LHFPL3: variants seen among roughly 807,000 people sequenced by gnomAD.
The protein encoded by LHFPL3 is LHFPL tetraspan subfamily member 3, also known as LHFPL tetraspan subfamily member 3 protein.
Under a neutral mutation model 19.3 loss-of-function variants are expected in LHFPL3, and 5 were observed. The ratio of observed to expected loss-of-function variants is 0.26; its 90% CI spans 0.14 to 0.54. LHFPL3 has a LOEUF of 0.54. LHFPL3 is among the 20% of genes least tolerant of loss of function. LHFPL3 has a pLI of 0.94. For synonymous variants in LHFPL3, 133 were observed against 126.2 expected (o/e 1.05, Z -0.36); for missense variants, 249 against 307.4 (o/e 0.81, Z 1.42).
intron 1 of LHFPL3, among the ~76,000 whole-genome samples, chr7:104,655,663 G>T (rs887621644): frequency 2.6e-5 from 4 of 152,204 alleles, no homozygotes; most frequent in African/African-American, 9.6e-5. Context: ...GCTGATACAG[G>T]CTACTTTGGC....
chr7:104,801,555 T>G (rs749433240), intron 2 of LHFPL3, among the ~76,000 whole-genome samples: 1 of 151,840 alleles, frequency 6.6e-6, no homozygotes, highest in African/African-American at 2.4e-5. Flanking sequence ...TTTTGTATGT[T>G]TGTTTGTTTT....
At chr7:104,431,642 G>C (rs563349857) in intron 1 of LHFPL3, among the ~76,000 whole-genome samples, 1 of 152,104 alleles carries the variant, frequency 6.6e-6, no homozygotes, top group South Asian at 2.1e-4. Flanking sequence ...GACATCATAA[G>C]CCTGAGAATA....
At chr7:104,833,083 C>CTATTATATATAATAGATATATTATATA (rs1791013258) in intron 2 of LHFPL3, among the ~76,000 whole-genome samples, 2 of 9,468 alleles carry the variant, frequency 2.1e-4, no homozygotes, top group African/African-American at 7.7e-4. Flanking sequence ...TTATATATAT[C>CTATTATATATAATAGATATATTATATA]TAATATATAT....
chr7:104,360,915 A>G (rs1381627149), intron 1 of LHFPL3, among the ~76,000 whole-genome samples: 1 of 152,172 alleles, frequency 6.6e-6, no homozygotes, highest in Non-Finnish European at 1.5e-5. Context: ...CCTCTTGTGG[A>G]CTGTTTTTGT....
At chr7:104,558,707 G>T (rs1448583227) in intron 1 of LHFPL3, among the ~76,000 whole-genome samples, 26 of 150,704 alleles carry the variant, frequency 1.7e-4, no homozygotes, top group Middle Eastern at 3.4e-3. Flanking sequence ...GTTAATTTTG[G>T]CTTTTGTTGC....
chr7:104,715,382 A>G (rs1048713111), intron 1 of LHFPL3, among the ~76,000 whole-genome samples: 2 of 151,954 alleles, frequency 1.3e-5, no homozygotes, highest in African/African-American at 4.8e-5. Flanking sequence ...ACTTTGAACA[A>G]TTTTTTTTAC....
At chr7:104,497,309 GAAAAA>G (rs34908934) in intron 1 of LHFPL3, among the ~76,000 whole-genome samples, 2 of 96,694 alleles carry the variant, frequency 2.1e-5, no homozygotes, top group East Asian at 3.2e-4. Context: ...TTGAGAAAAG[GAAAAA>G]AAAAAAAAAA....
chr7:104,686,826 C>T (rs1256419415), intron 1 of LHFPL3, among the ~76,000 whole-genome samples: 1 of 152,188 alleles, frequency 6.6e-6, no homozygotes, highest in Non-Finnish European at 1.5e-5. Flanking sequence ...GGGGAGGCCT[C>T]AGGAAACTTA....
At chr7:104,524,724 C>A (rs1286153043) in intron 1 of LHFPL3, among the ~76,000 whole-genome samples, 1 of 152,052 alleles carries the variant, frequency 6.6e-6, no homozygotes, top group Non-Finnish European at 1.5e-5. Context: ...GAATAAAGAC[C>A]AGGAAAAATG....
At chr7:104,747,370 C>T (rs1794067776) in intron 2 of LHFPL3, among the ~76,000 whole-genome samples, 1 of 152,144 alleles carries the variant, frequency 6.6e-6, no homozygotes, top group African/African-American at 2.4e-5. Flanking sequence ...GATGAGGTGT[C>T]CTTCAGAAGT....
intron 2 of LHFPL3, among the ~76,000 whole-genome samples, chr7:104,762,844 A>G (rs1794398448): frequency 6.6e-6 from 1 of 152,200 alleles, no homozygotes; most frequent in Non-Finnish European, 1.5e-5. Flanking sequence ...AATGACTCAA[A>G]TTCTATGCTC....
intron 2 of LHFPL3, among the ~76,000 whole-genome samples, chr7:104,745,186 C>T (rs537392317): frequency 7.2e-5 from 11 of 152,258 alleles, no homozygotes; most frequent in East Asian, 1.9e-4. Flanking sequence ...ACAAATTGTC[C>T]GCAGGAGTCG....
At chr7:104,900,148 A>C (rs904764000) in intron 2 of LHFPL3, among the ~76,000 whole-genome samples, 10 of 152,250 alleles carry the variant, frequency 6.6e-5, no homozygotes, top group African/African-American at 2.4e-4. Flanking sequence ...CCTATGTAAA[A>C]TATGGAATGG....
intron 1 of LHFPL3, among the ~76,000 whole-genome samples, chr7:104,603,158 CCTTCCTTTCTTTCTTTCTTTCTTT>C (rs1791018249): frequency 1.3e-5 from 1 of 76,290 alleles, no homozygotes; most frequent in Non-Finnish European, 2.8e-5. Context: ...TTCCTTCCTT[CCTTCCTTTCTTTCTTTCTTTCTTT>C]CTTCCTTTCT....
chr7:104,396,125 A>G (rs1279728255), intron 1 of LHFPL3, among the ~76,000 whole-genome samples: 1 of 152,100 alleles, frequency 6.6e-6, no homozygotes, highest in Admixed American at 6.5e-5. Context: ...TGGCCACTCT[A>G]TTGCTTTGGA....
intron 1 of LHFPL3, among the ~76,000 whole-genome samples, chr7:104,491,886 A>G (rs956269200): frequency 5.9e-5 from 9 of 152,218 alleles, no homozygotes; most frequent in African/African-American, 1.2e-4. Context: ...AAATTTTCCA[A>G]TTAGAACTGT....
intron 1 of LHFPL3, among the ~76,000 whole-genome samples, chr7:104,594,209 G>A (rs1790791307): frequency 6.6e-6 from 1 of 152,162 alleles, no homozygotes; most frequent in Non-Finnish European, 1.5e-5. Context: ...CTTCCTTCAG[G>A]AGCTCTGGTA....
At chr7:104,808,611 G>T (rs541753130) in intron 2 of LHFPL3, among the ~76,000 whole-genome samples, 1 of 152,296 alleles carries the variant, frequency 6.6e-6, no homozygotes, top group East Asian at 1.9e-4. Context: ...AAGGCAAAAG[G>T]TCTGGGTGGC....
chr7:104,649,649 T>C (rs540143486), intron 1 of LHFPL3, among the ~76,000 whole-genome samples: 1 of 152,168 alleles, frequency 6.6e-6, no homozygotes, highest in African/African-American at 2.4e-5. Context: ...AAGCCTCCTG[T>C]TGGAAGGGCA....
Sources: allele counts gnomAD v4.1 joint callset (sites outside exome capture counted in the v4.1 genomes callset), GRCh38; gene constraint gnomAD v4.1.1; transcripts MANE v1.5; gene names NCBI Gene and HGNC (gene_info 2026-07-23, HGNC 2026-07-21).